The following CNST variants were observed in gnomAD, a reference collection of about 807,000 sequenced individuals.
CNST encodes consortin.
A neutral mutation model predicts 72.4 loss-of-function variants in CNST; 39 were observed. That is an observed-to-expected ratio of 0.54 (90% CI 0.42 to 0.70). CNST has a LOEUF of 0.70. Ranked by LOEUF, CNST falls within the 30% of genes least tolerant of loss-of-function variation. The probability of loss-of-function intolerance (pLI) is 0.00; values close to 1 mark genes in which losing one functional copy is unlikely to be tolerated. For synonymous variants in CNST, 332 were observed against 320.1 expected (o/e 1.04, Z -0.40); for missense variants, 871 against 868.5 (o/e 1.00, Z -0.04).
chr1:246,656,713 A>G (rs545260839), intron 9 of CNST, among the ~76,000 whole-genome samples: 35 of 152,260 alleles, frequency 2.3e-4, no homozygotes, highest in East Asian at 1.9e-3. Context: ...GGGTTGCTTG[A>G]GCCCAGGAGT....
intron 1 of CNST, among the ~76,000 whole-genome samples, chr1:246,578,569 G>T (rs4593787): frequency 0.26 from 39,758 of 151,748 alleles, 5,673 homozygotes; most frequent in Middle Eastern, 0.34. Flanking sequence ...TACTCGGGAG[G>T]CTGAGGCAGG....
chr1:246,585,546 C>CT (rs1231993434), intron 1 of CNST, among the ~76,000 whole-genome samples: 2 of 150,396 alleles, frequency 1.3e-5, no homozygotes, highest in African/African-American at 4.9e-5. Context: ...ACTCAGGTGG[C>CT]TGAGGCGGCA....
intron 10 of CNST, among the ~76,000 whole-genome samples, chr1:246,661,969 T>G (rs928218876): frequency 1.3e-5 from 2 of 152,188 alleles, no homozygotes; most frequent in Admixed American, 1.3e-4. Flanking sequence ...AAATCGTTCC[T>G]TAATAGGAGG....
intron 3 of CNST, among the ~76,000 whole-genome samples, chr1:246,624,564 C>T (rs1333145492): frequency 1.3e-5 from 2 of 152,196 alleles, no homozygotes; most frequent in African/African-American, 4.8e-5. Context: ...ATACTGATGC[C>T]ATTAGAAAGC....
chr1:246,595,753 GA>G (rs913625257), intron 2 of CNST, among the ~76,000 whole-genome samples: 68 of 150,530 alleles, frequency 4.5e-4, no homozygotes, highest in South Asian at 2.9e-3. Context: ...TAAAAATAAA[GA>G]AAAAAAAGAC....
chr1:246,647,640 A>T lies in CNST; in HGVS notation c.1439A>T (p.Glu480Val), dbSNP rs1287993047. The change falls in exon 9 of 11, where the codon GAA (glutamate) becomes GTA (valine). Residue 480 changes from glutamate to valine, a missense_variant. By Grantham distance (121) the Glu-to-Val change is moderately radical. Coordinates refer to ENST00000366513, the MANE Select transcript of CNST (RefSeq NM_152609.3). ...CCCACAGACCAACTTGAGAACAATG[A>T]ATTAAATGAGCTGCAGCAGCCTGAT... is the stretch of plus-strand genomic sequence containing the variant. The part of the protein sequence containing the change: ...ALPTDQLENN[E>V]LNELQQPDLT... The T allele has an allele frequency of 6.2e-7, 1 of 1,614,206 alleles. No individual in the cohort carries two copies. The highest frequency in any genetic ancestry group is 8.5e-7 in the Non-Finnish European group (1 of 1,180,032).
chr1:246,584,826 CTA>C (rs1491523554), intron 1 of CNST, among the ~76,000 whole-genome samples: 1 of 152,204 alleles, frequency 6.6e-6, no homozygotes, highest in Non-Finnish European at 1.5e-5. Context: ...TATGGATCTC[CTA>C]TGAGTCTGTT....
intron 9 of CNST, among the ~76,000 whole-genome samples, chr1:246,659,436 T>C (rs964554408): frequency 1.3e-5 from 2 of 151,794 alleles, no homozygotes; most frequent in South Asian, 2.1e-4. Context: ...CTACTGAAAA[T>C]ACAAAAAAAT....
chr1:246,623,632 C>T (rs1175888868), intron 3 of CNST, among the ~76,000 whole-genome samples: 25 of 151,664 alleles, frequency 1.6e-4, no homozygotes, highest in Admixed American at 1.4e-3. Flanking sequence ...CATGGTGGCA[C>T]GCGCCTGTAG....
chr1:246,573,502 C>G (rs1660191696), intron 1 of CNST, among the ~76,000 whole-genome samples: 3 of 152,080 alleles, frequency 2.0e-5, no homozygotes. Context: ...ATCAGGTGGC[C>G]TCTTGGTTGG....
intron 1 of CNST, among the ~76,000 whole-genome samples, chr1:246,573,559 G>A (rs1168256448): frequency 6.6e-6 from 1 of 152,136 alleles, no homozygotes; most frequent in Non-Finnish European, 1.5e-5. Context: ...TATCCTTCCT[G>A]TCTCCACTGC....
rs115246959 is a variant in CNST, at chr1:246,640,618, A to G, written c.819-1131A>G. On this transcript the variant is annotated intron_variant, in intron 6 of 10. Coordinates refer to ENST00000366513, the MANE Select transcript of CNST (RefSeq NM_152609.3). ...CAAAGGCTAAAAGACTTTCCATTTT[A>G]TGGATAACTTTTTCTCCTTTTCTCT... Among the ~76,000 whole-genome samples, 756 of 152,302 alleles carry G rather than the reference A, an allele frequency of 5.0e-3. 10 individuals carry two copies. The highest frequency in any genetic ancestry group is 0.017 in the African/African-American group (708 of 41,576).
At chr1:246,597,006 A>G (rs1041747778) in intron 2 of CNST, among the ~76,000 whole-genome samples, 2 of 152,152 alleles carry the variant, frequency 1.3e-5, no homozygotes, top group Admixed American at 1.3e-4. Context: ...TGACTATTCT[A>G]TGGACATTGC....
chr1:246,595,937 T>G (rs796619588), intron 2 of CNST, among the ~76,000 whole-genome samples: 1 of 152,316 alleles, frequency 6.6e-6, no homozygotes, highest in African/African-American at 2.4e-5. Flanking sequence ...GTCATGTCAT[T>G]AGGAGACATG....
intron 1 of CNST, among the ~76,000 whole-genome samples, chr1:246,575,639 T>C (rs180931392): frequency 6.6e-6 from 1 of 152,196 alleles, no homozygotes; most frequent in East Asian, 1.9e-4. Context: ...TTCGGGGTGA[T>C]AAGATGTTCT....
chr1:246,617,032 C>CAA (rs1491573689), intron 2 of CNST, among the ~76,000 whole-genome samples: 2 of 152,146 alleles, frequency 1.3e-5, no homozygotes, highest in African/African-American at 4.8e-5. Context: ...ATTGTCAACT[C>CAA]ACAGCACATC....
At chr1:246,581,023 G>A (rs7521019) in intron 1 of CNST, among the ~76,000 whole-genome samples, 8 of 152,074 alleles carry the variant, frequency 5.3e-5, no homozygotes, top group African/African-American at 1.2e-4. Flanking sequence ...ACAGGCATGC[G>A]CCACCACGCC....
intron 2 of CNST, chr1:246,607,814 T>C (rs1011643259): frequency 6.6e-6 from 1 of 152,182 alleles, no homozygotes. Flanking sequence ...GGGGAGAATC[T>C]TTCAACGCTT....
intron 1 of CNST, among the ~76,000 whole-genome samples, chr1:246,580,224 A>G (rs1005578771): frequency 3.3e-5 from 5 of 152,054 alleles, no homozygotes; most frequent in Non-Finnish European, 5.9e-5. Context: ...TTAAATAAAT[A>G]ATCTCTTGTA....
Sources: gnomAD v4.1 joint callset for allele counts (sites outside exome capture counted in the v4.1 genomes callset) on GRCh38, gnomAD v4.1.1 for gene constraint, MANE v1.5 for transcripts, NCBI Gene and HGNC (gene_info 2026-07-23, HGNC 2026-07-21) for gene names.